The following PCDHGB6 variants were observed in gnomAD, a reference collection of about 807,000 sequenced individuals.
PCDHGB6 encodes protocadherin gamma-B6.
Under a neutral mutation model 59.1 loss-of-function variants are expected in PCDHGB6, and 51 were observed. The observed-to-expected ratio is 0.86, with a 90% CI of 0.69 to 1.09. The LOEUF is 1.09. Ranked by LOEUF, PCDHGB6 falls within the 50% of genes least tolerant of loss-of-function variation. The pLI is 0.00. For missense variants in PCDHGB6, 1,148 were observed against 1,205.1 expected, an observed-to-expected ratio of 0.95 and a Z score of 0.70; for synonymous variants, 466 against 495.1, an observed-to-expected ratio of 0.94 and a Z score of 0.78.
chr5:141,500,124 A>G (rs1042231430), intron 2 of PCDHGB6, among the ~76,000 whole-genome samples: 2 of 151,656 alleles, frequency 1.3e-5, no homozygotes, highest in African/African-American at 2.4e-5. Flanking sequence ...GCCTTTTCAT[A>G]TATATCTTTC....
At position 141,489,562 on chromosome 5, in the gene PCDHGB6, G is replaced by A. The variant is rs770734883; in HGVS notation, c.2419-5245G>A. ...CACCAGCTGCCTGCTGCCAGTGCAG[G>A]TGGTGACTGAACACCCCCTGGAGCT... On this transcript the variant is annotated intron_variant, in intron 1 of 3. Coordinates refer to ENST00000520790, the MANE Select transcript of PCDHGB6 (RefSeq NM_018926.3). The surrounding 1 kb of genome is among the most constrained non-coding windows in gnomAD (Gnocchi z 4.5). 2 of 1,614,114 alleles carry A rather than the reference G, an allele frequency of 1.2e-6. No homozygotes were observed. Among genetic ancestry groups the A allele is most frequent in the Non-Finnish European group, 1.7e-6 (2 of 1,180,028 alleles).
At chr5:141,430,986 C>T (rs549700048) in intron 1 of PCDHGB6, 3 of 1,613,762 alleles carry the variant, frequency 1.9e-6, no homozygotes, top group East Asian at 2.2e-5. Flanking sequence ...CAGCTTTTCG[C>T]CCTGAATCCG....
Position 141,503,989 on chromosome 5 carries a change from C to T in PCDHGB6, c.2478-1404C>T, listed in dbSNP as rs534696225. Among the ~76,000 whole-genome samples the T allele has an allele frequency of 2.6e-5, 4 of 152,312 alleles. No individual in the cohort carries two copies. The South Asian group carries it at 8.3e-4, about 32-fold the overall frequency. On this transcript the variant is annotated intron_variant, in intron 2 of 3. Transcript: ENST00000520790. ...CATGGTGCCAAACCCTTCTTCTTAC[C>T]TTACAGTCACTTAACTGTCTCTGCT...
intron 1 of PCDHGB6, chr5:141,423,750 TGGGGG>T: frequency 5.2e-5 from 15 of 287,416 alleles, no homozygotes; most frequent in Non-Finnish European, 6.3e-5. Context: ...GAAAACTGTT[TGGGGG>T]GGGGGTGGGG....
intron 1 of PCDHGB6, among the ~76,000 whole-genome samples, chr5:141,463,095 G>C (rs1299676667): frequency 6.6e-6 from 1 of 152,098 alleles, no homozygotes; most frequent in African/African-American, 2.4e-5. Context: ...AGCCCTATGT[G>C]ACCATCAAGA....
chr5:141,487,750 T>A lies in PCDHGB6; in HGVS notation c.2419-7057T>A, dbSNP rs2099664307. On this transcript the variant is annotated intron_variant, in intron 1 of 3. Coordinates refer to ENST00000520790, the MANE Select transcript of PCDHGB6 (RefSeq NM_018926.3). The surrounding 1 kb of genome is among the most constrained non-coding windows in gnomAD (Gnocchi z 5.0). Reference sequence around the variant, plus strand: ...TCACCATTTTTGTAAGAGGTAACTATGTGGTAGACGCTGTGCTTTGTAACT... The same window carrying A: ...TCACCATTTTTGTAAGAGGTAACTAAGTGGTAGACGCTGTGCTTTGTAACT... 1 of 1,555,392 alleles carries A rather than the reference T, an allele frequency of 6.4e-7. No homozygotes were observed. Among genetic ancestry groups the A allele is most frequent in the African/African-American group, 1.4e-5 (1 of 73,376 alleles).
At position 141,431,493 on chromosome 5, in the gene PCDHGB6, C is replaced by G. The variant is rs1281626711; in HGVS notation, c.2418+20873C>G. On this transcript the variant is annotated intron_variant, in intron 1 of 3. Transcript: ENST00000520790. The surrounding 1 kb of genome is among the most constrained non-coding windows in gnomAD (Gnocchi z 4.8). ...GACAACGCACCAGCGTTTGCTCAGC[C>G]CGAGTACCGCGCGAGCGTTCCGGAG... 1 of 1,613,994 alleles carries G rather than the reference C, an allele frequency of 6.2e-7. No individual in the cohort carries two copies. The highest frequency in any genetic ancestry group is 8.5e-7 in the Non-Finnish European group (1 of 1,180,042).
At chr5:141,427,191 G>A (rs749528616) in intron 1 of PCDHGB6, 1 of 456,716 alleles carries the variant, frequency 2.2e-6, no homozygotes, top group South Asian at 1.5e-5. Flanking sequence ...TAAATCCAAA[G>A]ACTTAATAGA....
At chr5:141,419,757 G>C in intron 1 of PCDHGB6, 1 of 1,613,994 alleles carries the variant, frequency 6.2e-7, no homozygotes, top group Non-Finnish European at 8.5e-7. Flanking sequence ...CGTGCTTTGG[G>C]TGACAAGGAC....
intron 1 of PCDHGB6, chr5:141,418,388 T>C: frequency 6.2e-7 from 1 of 1,613,942 alleles, no homozygotes; most frequent in Non-Finnish European, 8.5e-7. Flanking sequence ...TCCTAACGAG[T>C]ATTTCTCATT....
chr5:141,502,868 T>TTTTTTTTTC (rs1298099288), intron 2 of PCDHGB6, among the ~76,000 whole-genome samples: 1 of 147,026 alleles, frequency 6.8e-6, no homozygotes, highest in Non-Finnish European at 1.5e-5. Flanking sequence ...CTCTCTGTCT[T>TTTTTTTTTC]TTTTTTTTTT....
intron 1 of PCDHGB6, chr5:141,419,499 G>A: frequency 6.2e-7 from 1 of 1,612,368 alleles, no homozygotes; most frequent in Non-Finnish European, 8.5e-7. Context: ...GCCAATGTGA[G>A]CCTGCGCGTG....
At chr5:141,468,802 C>G (rs928501013) in intron 1 of PCDHGB6, among the ~76,000 whole-genome samples, 1 of 151,620 alleles carries the variant, frequency 6.6e-6, no homozygotes, top group African/African-American at 2.4e-5. Context: ...GGAGGCGGAA[C>G]TTGCAGTGAG....
chr5:141,410,538 T>TG lies in PCDHGB6; in HGVS notation c.2338dup (p.Val780GlyfsTer23), dbSNP rs768720792. On this transcript the variant is annotated frameshift_variant, in exon 1 of 4. Coordinates refer to ENST00000520790, the MANE Select transcript of PCDHGB6 (RefSeq NM_018926.3). LOFTEE classifies it high-confidence loss of function. ...GTGCCCCTACATTCCAATGAAGACA[T>TG]GGTTTGCAGTGTTTCTCCTGGAGCC... The TG allele has an allele frequency of 8.1e-6, 13 of 1,613,830 alleles. No individual in the cohort carries two copies. The highest frequency in any genetic ancestry group is 1.1e-5 in the Non-Finnish European group (13 of 1,179,900).
chr5:141,485,858 C>A lies in PCDHGB6; in HGVS notation c.2419-8949C>A, dbSNP rs1431906047. 8.1e-6 allele frequency: 13 copies of A among 1,614,162 alleles called. No individual in the cohort carries two copies. The South Asian group carries it at 1.4e-4, about 18-fold the overall frequency. ...GCCGAGATCTGGCACCGCAGAGCTC[C>A]GGGTATCCGTGCTGGACGTAAACGA... On this transcript the variant is annotated intron_variant, in intron 1 of 3. Coordinates refer to ENST00000520790, the MANE Select transcript of PCDHGB6 (RefSeq NM_018926.3). This position sits in a 1 kb window ranked among gnomAD's most constrained non-coding sequence, Gnocchi z 5.7.
intron 3 of PCDHGB6, among the ~76,000 whole-genome samples, chr5:141,510,266 C>T (rs1202092142): frequency 7.0e-6 from 1 of 143,198 alleles, no homozygotes; most frequent in Non-Finnish European, 1.5e-5. Flanking sequence ...GAGCAGGACT[C>T]CATCTTAAAA....
chr5:141,469,314 C>T (rs982242861), intron 1 of PCDHGB6, among the ~76,000 whole-genome samples: 3 of 152,100 alleles, frequency 2.0e-5, no homozygotes, highest in Admixed American at 1.3e-4. Context: ...CGATGGCTCA[C>T]GCCTGTAATC....
At chr5:141,441,087 TGACA>T (rs1168679217) in intron 1 of PCDHGB6, 1 of 152,174 alleles carries the variant, frequency 6.6e-6, no homozygotes, top group Non-Finnish European at 1.5e-5. Flanking sequence ...TGGTAGCAAG[TGACA>T]GAGAGGGACT....
chr5:141,441,800 G>T, intron 1 of PCDHGB6: 1 of 382,594 alleles, frequency 2.6e-6, no homozygotes, highest in Non-Finnish European at 5.2e-6. Flanking sequence ...ACGCACCGCG[G>T]GTGCTGTACC....
Sources: allele counts gnomAD v4.1 joint callset (sites outside exome capture counted in the v4.1 genomes callset), GRCh38; gene constraint gnomAD v4.1.1; non-coding constraint Gnocchi (gnomAD v3.1); transcripts MANE v1.5; gene names NCBI Gene and HGNC (gene_info 2026-07-23, HGNC 2026-07-21).